Variants in UBE2R2 observed in about 807,000 individuals in gnomAD.
UBE2R2 encodes the protein ubiquitin conjugating enzyme E2 R2.
In UBE2R2, 1 loss-of-function variant was observed where a neutral mutation model predicts 27.8. That is an observed-to-expected ratio of 0.04 (90% confidence interval 0.01 to 0.17). UBE2R2 has a LOEUF of 0.17. Ranked by LOEUF, UBE2R2 falls within the 10% of genes least tolerant of loss-of-function variation. UBE2R2 has a pLI of 1.00. For synonymous variants in UBE2R2, 106 were observed against 113.3 expected, an observed-to-expected ratio of 0.94 and a Z score of 0.41; for missense variants, 100 against 291.0, an observed-to-expected ratio of 0.34 and a Z score of 4.78.
chr9:33,829,989 G>T (rs1046894033), intron 1 of UBE2R2, among the ~76,000 whole-genome samples: 1 of 151,534 alleles, frequency 6.6e-6, no homozygotes, highest in Non-Finnish European at 1.5e-5. Context: ...TAGAGACAGG[G>T]TTTCTCCACG....
At chr9:33,896,434 C>T (rs1822105706) in intron 2 of UBE2R2, among the ~76,000 whole-genome samples, 1 of 151,492 alleles carries the variant, frequency 6.6e-6, no homozygotes, top group Admixed American at 6.6e-5. Context: ...ATGATGTTAG[C>T]TGTGGGTTTT....
In UBE2R2 at chr9:33,917,563, C is replaced by G. The variant is rs923175408; in HGVS notation, c.*326C>G. On this transcript the variant is annotated 3_prime_UTR_variant, in exon 5 of 5. Transcript: ENST00000263228. ...ATGTTCACAGCAAAACACGTTTGGTCTGTTTTTAGATTCTTGAAGAATTCA... is the reference window on the plus strand; with the variant it reads ...ATGTTCACAGCAAAACACGTTTGGTGTGTTTTTAGATTCTTGAAGAATTCA... 2.0e-6 allele frequency: 1 copy of G among 490,530 alleles called. No homozygotes were observed. The highest frequency in any genetic ancestry group is 3.5e-6 in the Non-Finnish European group (1 of 281,878). 30.4% of individuals were successfully genotyped at this position (490,530 alleles called of 1,614,324 possible).
intron 1 of UBE2R2, among the ~76,000 whole-genome samples, chr9:33,831,717 AGG>A: frequency 6.6e-6 from 1 of 151,870 alleles, no homozygotes; most frequent in Non-Finnish European, 1.5e-5. Context: ...TGAAGTGCAG[AGG>A]CGCGGTCTTG....
Position 33,830,040 on chromosome 9 carries a change from G to A in UBE2R2, c.177+12106G>A, listed in dbSNP as rs190893219. Among the ~76,000 whole-genome samples the A allele has an allele frequency of 1.8e-4, 27 of 151,920 alleles. No homozygotes were observed. The East Asian group carries it at 5.0e-3, about 28-fold the overall frequency. ...TCGAACTCCCGACCTCTGGTGATCC[G>A]CCCTCCTCGGCCTCCCAAAGTGCTA... is the stretch of plus-strand genomic sequence containing the variant. On this transcript the variant is annotated intron_variant, in intron 1 of 4. Coordinates refer to ENST00000263228, the MANE Select transcript of UBE2R2 (RefSeq NM_017811.4).
chr9:33,908,721 A>G (rs1401751141), intron 3 of UBE2R2, among the ~76,000 whole-genome samples: 2 of 152,236 alleles, frequency 1.3e-5, no homozygotes, highest in Non-Finnish European at 2.9e-5. Context: ...AAGAAAACCA[A>G]CTAGGTGAAA....
In UBE2R2 at chr9:33,919,337, T is replaced by A. The variant is rs1822740040; in HGVS notation, c.*2100T>A. 1 of 152,018 alleles carries A rather than the reference T, an allele frequency of 6.6e-6. No homozygotes were observed. Among genetic ancestry groups the A allele is most frequent in the South Asian group, 2.1e-4 (1 of 4,822 alleles). 9.4% of individuals were successfully genotyped at this position (152,018 alleles called of 1,614,324 possible). ...CCCATGCAAGTTTACAGCCAGTAGCTTGGTCTTATTCTCTTGGAGCCCTAA... is the reference window on the plus strand; with the variant it reads ...CCCATGCAAGTTTACAGCCAGTAGCATGGTCTTATTCTCTTGGAGCCCTAA... On this transcript the variant is annotated 3_prime_UTR_variant, in exon 5 of 5. Coordinates refer to ENST00000263228, the MANE Select transcript of UBE2R2 (RefSeq NM_017811.4).
chr9:33,893,157 A>ATG (rs1822025799), intron 2 of UBE2R2, among the ~76,000 whole-genome samples: 1 of 152,208 alleles, frequency 6.6e-6, no homozygotes, highest in South Asian at 2.1e-4. Flanking sequence ...TAATACCTCT[A>ATG]TGTAGTGGTA....
chr9:33,855,278 C>G (rs1821076657), intron 1 of UBE2R2, among the ~76,000 whole-genome samples: 1 of 151,720 alleles, frequency 6.6e-6, no homozygotes, highest in Non-Finnish European at 1.5e-5. Context: ...ATATTTTTCT[C>G]TCATTTTTTG....
At chr9:33,870,112 T>C (rs577704079) in intron 1 of UBE2R2, among the ~76,000 whole-genome samples, 1 of 152,296 alleles carries the variant, frequency 6.6e-6, no homozygotes, top group South Asian at 2.1e-4. Flanking sequence ...TCCAAAGTGC[T>C]GAGATTACAG....
At chr9:33,888,018 G>C (rs770661229) in intron 2 of UBE2R2, among the ~76,000 whole-genome samples, 3 of 152,184 alleles carry the variant, frequency 2.0e-5, no homozygotes, top group Non-Finnish European at 2.9e-5. Context: ...ATGTTTTGGG[G>C]ATTTTGCAGG....
chr9:33,901,086 G>T (rs775788484), intron 3 of UBE2R2, among the ~76,000 whole-genome samples: 1 of 152,112 alleles, frequency 6.6e-6, no homozygotes, highest in Non-Finnish European at 1.5e-5. Flanking sequence ...CTCCCAAGTA[G>T]CTGTGACTAT....
chr9:33,873,226 T>G (rs2130782161), intron 1 of UBE2R2, among the ~76,000 whole-genome samples: 1 of 151,084 alleles, frequency 6.6e-6, no homozygotes, highest in Non-Finnish European at 1.5e-5. Flanking sequence ...CTACTTTAAC[T>G]TAATTAAATG....
chr9:33,825,346 A>G (rs533540790), intron 1 of UBE2R2, among the ~76,000 whole-genome samples: 34 of 151,420 alleles, frequency 2.2e-4, no homozygotes, highest in African/African-American at 7.5e-4. Context: ...GGTCCAAGCA[A>G]TTCTCCTCCT....
chr9:33,909,620 C>T (rs1156684185), intron 3 of UBE2R2, among the ~76,000 whole-genome samples: 2 of 152,116 alleles, frequency 1.3e-5, no homozygotes, highest in Non-Finnish European at 2.9e-5. Flanking sequence ...GGGGTTTCAC[C>T]ATGTTAGCCA....
intron 4 of UBE2R2, among the ~76,000 whole-genome samples, chr9:33,914,237 A>G (rs1042720216): frequency 6.6e-6 from 1 of 152,246 alleles, no homozygotes; most frequent in African/African-American, 2.4e-5. Flanking sequence ...TGGGAGAAAT[A>G]TATAATGTAA....
intron 1 of UBE2R2, among the ~76,000 whole-genome samples, chr9:33,873,392 A>G (rs967308263): frequency 4.6e-5 from 7 of 152,102 alleles, no homozygotes; most frequent in Non-Finnish European, 1.5e-5. Context: ...TTACTAAGTT[A>G]TTATTTTTAC....
intron 1 of UBE2R2, among the ~76,000 whole-genome samples, chr9:33,825,365 C>G (rs1374379999): frequency 6.6e-6 from 1 of 151,802 alleles, no homozygotes; most frequent in African/African-American, 2.4e-5. Flanking sequence ...CTCAGCTTCC[C>G]GAGTAGCTGG....
At chr9:33,890,645 A>G (rs1428837030) in intron 2 of UBE2R2, among the ~76,000 whole-genome samples, 3 of 151,994 alleles carry the variant, frequency 2.0e-5, no homozygotes, top group Non-Finnish European at 2.9e-5. Context: ...CTCCGTCTCC[A>G]CTAAAAATAC....
intron 2 of UBE2R2, 145 bp from the exon 3 acceptor site, chr9:33,900,029 C>A: frequency 1.9e-6 from 1 of 531,992 alleles, no homozygotes; most frequent in Non-Finnish European, 3.4e-6. Context: ...TATTATTTAT[C>A]TTTGATGTTG....
Sources: gnomAD v4.1 joint callset for allele counts (sites outside exome capture counted in the v4.1 genomes callset) on GRCh38, gnomAD v4.1.1 for gene constraint, MANE v1.5 for transcripts, NCBI Gene and HGNC (gene_info 2026-07-23, HGNC 2026-07-21) for gene names.